Variants in ZFR observed in about 807,000 individuals in gnomAD.
ZFR encodes zinc finger RNA-binding protein.
In ZFR, 19 loss-of-function variants were observed where a neutral mutation model predicts 130.7. That is an observed-to-expected ratio of 0.15 (90% CI 0.10 to 0.21). The LOEUF is 0.21. Ranked by LOEUF, ZFR falls within the 10% of genes least tolerant of loss-of-function variation. The pLI is 1.00. For missense variants in ZFR, 872 were observed against 1,321.5 expected, an observed-to-expected ratio of 0.66 and a Z score of 5.27; for synonymous variants, 466 against 456.9, an observed-to-expected ratio of 1.02 and a Z score of -0.25.
rs577917691 is a variant in ZFR, at chr5:32,415,533, C to T, written c.566-346G>A. On this transcript the variant is annotated intron_variant, in intron 4 of 19. Coordinates refer to ENST00000265069, the MANE Select transcript of ZFR (RefSeq NM_016107.5). ...GTGTGTGTGCGCGCGCGCGCGCGCGCACTAGTCAGTCTACTTCAGTTAGGC... is the reference window on the plus strand; with the variant it reads ...GTGTGTGTGCGCGCGCGCGCGCGCGTACTAGTCAGTCTACTTCAGTTAGGC... 1.6e-4 allele frequency among the ~76,000 whole-genome samples: 22 copies of T among 137,702 alleles called. 1 individual carries two copies. In the South Asian group the frequency reaches 2.0e-3, roughly 13 times the overall value. The allele number at this position is 137,702 out of a possible 152,430, so 90.3% of individuals were successfully genotyped here. A position where few individuals can be genotyped will look rare whatever the true frequency, so the allele number is the denominator to read the frequency against.
At chr5:32,441,313 T>G (rs1754468272) in intron 2 of ZFR, among the ~76,000 whole-genome samples, 1 of 152,142 alleles carries the variant, frequency 6.6e-6, no homozygotes. Flanking sequence ...GTTTACTTTA[T>G]CTGTATTCAA....
intron 2 of ZFR, among the ~76,000 whole-genome samples, chr5:32,431,193 A>T (rs1303150550): frequency 4.6e-5 from 7 of 152,364 alleles, no homozygotes; most frequent in Admixed American, 2.6e-4. Context: ...GAGCAAAAAG[A>T]GTGGTAAATA....
At chr5:32,359,777 C>T (rs1026038183) in intron 19 of ZFR, among the ~76,000 whole-genome samples, 21 of 152,012 alleles carry the variant, frequency 1.4e-4, no homozygotes, top group African/African-American at 4.1e-4. Flanking sequence ...GGTGAAACCC[C>T]GTCTCTACTA....
rs1030782736 is a variant in ZFR, at chr5:32,439,321, T to G, written c.137+4908A>C. Among the ~76,000 whole-genome samples the G allele has an allele frequency of 9.9e-5, 15 of 152,244 alleles. 2 individuals carry two copies. Among genetic ancestry groups the G allele is most frequent in the Admixed American group, 6.5e-5 (1 of 15,286 alleles). Reference sequence around the variant, plus strand: ...CCTGGTTTTTTTACTTTCTCAGTGTTTAATCCTTTTCTACCTTACTAGTGT... The same window carrying G: ...CCTGGTTTTTTTACTTTCTCAGTGTGTAATCCTTTTCTACCTTACTAGTGT... On this transcript the variant is annotated intron_variant, in intron 2 of 19. Transcript: ENST00000265069.
At position 32,386,635 on chromosome 5, in the gene ZFR, C is replaced by T. The variant is rs555901953; in HGVS notation, c.2499+914G>A. ...CAACACAGCCAATTCTCCTGGCTCC[C>T]GATAATTAAAAAAAAAGACTCATCT... On this transcript the variant is annotated intron_variant, in intron 14 of 19. Coordinates refer to ENST00000265069, the MANE Select transcript of ZFR (RefSeq NM_016107.5). Among the ~76,000 whole-genome samples, 14 of 151,748 alleles carry T rather than the reference C, an allele frequency of 9.2e-5. No individual in the cohort carries two copies. In the East Asian group the frequency reaches 2.3e-3, roughly 25 times the overall value.
At chr5:32,441,761 G>A (rs1754480590) in intron 2 of ZFR, among the ~76,000 whole-genome samples, 1 of 152,040 alleles carries the variant, frequency 6.6e-6, no homozygotes, top group African/African-American at 2.4e-5. Context: ...GTATTATTGG[G>A]CCTGATTTCT....
intron 13 of ZFR, 138 bp from the exon 14 acceptor site, chr5:32,387,837 T>C: frequency 1.3e-6 from 1 of 762,166 alleles, no homozygotes; most frequent in South Asian, 2.9e-5. Flanking sequence ...ACATCCAGCA[T>C]TTTTAGAACT....
chr5:32,384,881 GT>G (rs1753000990), intron 15 of ZFR, among the ~76,000 whole-genome samples: 1 of 152,050 alleles, frequency 6.6e-6, no homozygotes, highest in Non-Finnish European at 1.5e-5. Context: ...CATTTACACA[GT>G]TTATTTTTCA....
At position 32,385,493 on chromosome 5, in the gene ZFR, T is replaced by C; in HGVS notation, c.2641+15A>G. ...AAAAGTTAATAGAAAGTAGAAAGTT[T>C]AATGGCTTTCCAACCTCCTTCCCTC... On this transcript the variant is annotated intron_variant, in intron 15 of 19. Coordinates refer to ENST00000265069, the MANE Select transcript of ZFR (RefSeq NM_016107.5). The C allele has an allele frequency of 6.2e-7, 1 of 1,611,434 alleles. No individual in the cohort carries two copies. Among genetic ancestry groups the C allele is most frequent in the Non-Finnish European group, 8.5e-7 (1 of 1,178,638 alleles).
chr5:32,415,305 C>T, intron 4 of ZFR, 118 bp from the exon 5 acceptor site: 1 of 842,930 alleles, frequency 1.2e-6, no homozygotes, highest in Admixed American at 3.0e-5. Context: ...AAATTTTATG[C>T]CAGCAATTTC....
At chr5:32,430,653 AC>A (rs1193616571) in intron 2 of ZFR, among the ~76,000 whole-genome samples, 4 of 152,222 alleles carry the variant, frequency 2.6e-5, no homozygotes, top group Non-Finnish European at 4.4e-5. Flanking sequence ...TCTAAGTGAA[AC>A]TGTAAACATG....
chr5:32,417,807 T>C lies in ZFR; in HGVS notation c.421-15A>G. 1 of 1,607,750 alleles carries C rather than the reference T, an allele frequency of 6.2e-7. No homozygotes were observed. Among genetic ancestry groups the C allele is most frequent in the Non-Finnish European group, 8.5e-7 (1 of 1,175,670 alleles). ...GAGTATGAATCCTAAAGAAAAGGAA[T>C]GAAAGAAAATCTTGCTATGAGACAA... On this transcript the variant is annotated splice_polypyrimidine_tract_variant and intron_variant, in intron 3 of 19. Coordinates refer to ENST00000265069, the MANE Select transcript of ZFR (RefSeq NM_016107.5).
At chr5:32,385,925 A>G (rs914178937) in intron 14 of ZFR, among the ~76,000 whole-genome samples, 1 of 152,120 alleles carries the variant, frequency 6.6e-6, no homozygotes, top group Admixed American at 6.5e-5. Flanking sequence ...ATTCTTGGAT[A>G]AAAGAAACAC....
intron 2 of ZFR, among the ~76,000 whole-genome samples, chr5:32,421,688 G>T (rs1436857827): frequency 6.6e-6 from 1 of 152,016 alleles, no homozygotes; most frequent in Non-Finnish European, 1.5e-5. Context: ...CAGGGTGGCA[G>T]ATTTCAGTCC....
At position 32,387,581 on chromosome 5, in the gene ZFR, G is replaced by A. The variant is rs538338451; in HGVS notation, c.2467C>T (p.Arg823Cys). Residue 823 changes from arginine to cysteine, a missense_variant, in exon 14 of 20, where the codon CGT becomes TGT. By Grantham distance (180) the Arg-to-Cys change is radical (BLOSUM62 -3). Transcript: ENST00000265069. ...TGTTTGGGTAGGTTTTCTGCAATAC[G>A]GCTTAATAATGTCTTTGAAGGTTTC... ...SEKPSKTLLS[R>C]IAENLPKQLA... 43 of 1,612,770 alleles carry A rather than the reference G, an allele frequency of 2.7e-5. No individual in the cohort carries two copies. The South Asian group carries it at 3.5e-4, about 13-fold the overall frequency.
chr5:32,366,771 A>G (rs994294965), intron 17 of ZFR, among the ~76,000 whole-genome samples: 9 of 152,212 alleles, frequency 5.9e-5, no homozygotes, highest in Non-Finnish European at 1.2e-4. Context: ...CTATAATTAT[A>G]TAAGAGAATA....
intron 8 of ZFR, 66 bp downstream of exon 8, chr5:32,403,040 G>A: frequency 6.6e-7 from 1 of 1,510,198 alleles, no homozygotes; most frequent in Non-Finnish European, 9.1e-7. Context: ...AGAAGGGTTA[G>A]TGCTGCAATG....
intron 19 of ZFR, among the ~76,000 whole-genome samples, chr5:32,362,159 C>T (rs189420396): frequency 6.6e-6 from 1 of 152,144 alleles, no homozygotes; most frequent in East Asian, 1.9e-4. Flanking sequence ...TAATCATCAT[C>T]GAGGATTAAA....
chr5:32,410,445 C>CA (rs1211636967), intron 5 of ZFR, among the ~76,000 whole-genome samples: 1 of 151,686 alleles, frequency 6.6e-6, no homozygotes, highest in Non-Finnish European at 1.5e-5. Flanking sequence ...CCCATCTATA[C>CA]AAAAAATACA....
Sources: allele counts gnomAD v4.1 joint callset (sites outside exome capture counted in the v4.1 genomes callset), GRCh38; gene constraint gnomAD v4.1.1; transcripts MANE v1.5; gene names NCBI Gene and HGNC (gene_info 2026-07-23, HGNC 2026-07-21).